PCDHGB5: variants seen among roughly 807,000 people sequenced by gnomAD.
PCDHGB5 encodes the protein protocadherin gamma-B5.
Under a neutral mutation model 62.9 loss-of-function variants are expected in PCDHGB5, and 48 were observed. The ratio of observed to expected loss-of-function variants is 0.76; its 90% CI spans 0.61 to 0.97. The LOEUF (loss-of-function observed/expected upper bound fraction) is 0.97, where lower values mean the gene tolerates loss of function less well. Among genes scored for constraint, PCDHGB5 ranks in the 50% least tolerant of loss-of-function variants. The probability of loss-of-function intolerance (pLI) is 0.00; values close to 1 mark genes in which losing one functional copy is unlikely to be tolerated. For synonymous variants in PCDHGB5, 474 were observed against 511.2 expected, an observed-to-expected ratio of 0.93 and a Z score of 0.98; for missense variants, 1,118 against 1,198.6, an observed-to-expected ratio of 0.93 and a Z score of 0.99.
chr5:141,501,030 A>G (rs2099805050), intron 2 of PCDHGB5, among the ~76,000 whole-genome samples: 1 of 151,848 alleles, frequency 6.6e-6, no homozygotes, highest in Admixed American at 6.6e-5. Flanking sequence ...CACCACGCCC[A>G]GCTAATTTTT....
At position 141,400,239 on chromosome 5, in the gene PCDHGB5, T is replaced by G. The variant is rs1306520918; in HGVS notation, c.2112T>G (p.Ile704Met). Reference sequence around the variant, plus strand: ...CAGTGCTCTTCCTCCTGGCCGTGATTCTGGCCGTTGCCTTGCGCCTGCGAC... The same window carrying G: ...CAGTGCTCTTCCTCCTGGCCGTGATGCTGGCCGTTGCCTTGCGCCTGCGAC... Reference protein sequence around the residue: ...LISVLFLLAVILAVALRLRRS... With the variant: ...LISVLFLLAVMLAVALRLRRS... Residue 704 changes from isoleucine to methionine, a missense_variant, in exon 1 of 4, where the codon ATT (isoleucine) becomes ATG (methionine). Coordinates refer to ENST00000617380, the MANE Select transcript of PCDHGB5 (RefSeq NM_018925.3). 1.9e-6 allele frequency: 3 copies of G among 1,614,054 alleles called. No individual in the cohort carries two copies. The highest frequency in any genetic ancestry group is 2.2e-5 in the East Asian group (1 of 44,880).
Position 141,485,436 on chromosome 5 carries a change from A to G in PCDHGB5, c.2398-9371A>G, listed in dbSNP as rs2099613369. On this transcript the variant is annotated intron_variant, in intron 1 of 3. Transcript: ENST00000617380. This position sits in a 1 kb window ranked among gnomAD's most constrained non-coding sequence, Gnocchi z 5.7. ...GACAGCGGAGCCCTGCTCATCAAGA[A>G]CCCAATCGACCGAGAGGCACTGTGT... 1.9e-6 allele frequency: 3 copies of G among 1,614,092 alleles called. No individual in the cohort carries two copies. The highest frequency in any genetic ancestry group is 2.7e-5 in the African/African-American group (2 of 74,934).
chr5:141,451,993 C>G (rs1235806360), intron 1 of PCDHGB5, among the ~76,000 whole-genome samples: 4 of 152,164 alleles, frequency 2.6e-5, no homozygotes, highest in African/African-American at 7.2e-5. Context: ...TCATTAGAAG[C>G]AAAATCACTT....
intron 1 of PCDHGB5, among the ~76,000 whole-genome samples, chr5:141,468,868 A>T (rs1006995156): frequency 9.2e-5 from 14 of 151,794 alleles, no homozygotes; most frequent in African/African-American, 2.4e-4. Flanking sequence ...TCCATCTCAA[A>T]AATAATAATA....
In PCDHGB5 at chr5:141,422,435, A is replaced by G. The variant is rs199795822; in HGVS notation, c.2397+21911A>G. 7.8e-4 allele frequency: 1,254 copies of G among 1,609,700 alleles called. 7 individuals are homozygous for G. The highest frequency in any genetic ancestry group is 2.1e-3 in the South Asian group (193 of 90,090). Reference sequence around the variant, plus strand: ...TTAGAAAAGACTTATGGAAATTATTACAAATTGATAACAAGCAGAGTGCTG... The same window carrying G: ...TTAGAAAAGACTTATGGAAATTATTGCAAATTGATAACAAGCAGAGTGCTG... On this transcript the variant is annotated intron_variant, in intron 1 of 3. Transcript: ENST00000617380.
rs368884524 is a variant in PCDHGB5 at position 141,409,933 on chromosome 5, G to A, written c.2397+9409G>A. On this transcript the variant is annotated intron_variant, in intron 1 of 3. Coordinates refer to ENST00000617380, the MANE Select transcript of PCDHGB5 (RefSeq NM_018925.3). ...CTGACGGCTCCGCGTTCTTCGATAT[G>A]GTACCTCGCTCTGCAGAGCCCGGCT... 50 of 1,613,236 alleles carry A rather than the reference G, an allele frequency of 3.1e-5. No homozygotes were observed. The highest frequency in any genetic ancestry group is 4.1e-5 in the Non-Finnish European group (48 of 1,179,790).
intron 1 of PCDHGB5, among the ~76,000 whole-genome samples, chr5:141,468,041 T>C (rs972340736): frequency 4.6e-5 from 7 of 152,120 alleles, no homozygotes; most frequent in Admixed American, 3.9e-4. Flanking sequence ...TTTAGAAAAC[T>C]AAGCCGGGCA....
rs758417744 is a variant in PCDHGB5, at chr5:141,430,916, G to A, written c.2397+30392G>A. On this transcript the variant is annotated intron_variant, in intron 1 of 3. Coordinates refer to ENST00000617380, the MANE Select transcript of PCDHGB5 (RefSeq NM_018925.3). ...GGTGGGCGACATCTCCAGGGACCTG[G>A]GGCTGGAGCCCCGGGAGCTCGCGGA... The A allele has an allele frequency of 1.9e-6, 3 of 1,607,878 alleles. No individual in the cohort carries two copies. The East Asian group carries it at 6.7e-5, about 36-fold the overall frequency.
chr5:141,456,299 A>G (rs11167748), intron 1 of PCDHGB5, among the ~76,000 whole-genome samples: 25,602 of 152,048 alleles, frequency 0.17, 2,205 homozygotes, highest in South Asian at 0.22. Context: ...TCTAATGGAG[A>G]ACAGCAGCTA....
intron 1 of PCDHGB5, chr5:141,422,646 C>T (rs748692494): frequency 5.0e-6 from 8 of 1,611,836 alleles, no homozygotes; most frequent in Non-Finnish European, 6.8e-6. Flanking sequence ...CCTCCATCTT[C>T]TCAGTGACCG....
rs1342473418 is a variant in PCDHGB5, at chr5:141,477,702, A to G, written c.2398-17105A>G. On this transcript the variant is annotated intron_variant, in intron 1 of 3. Transcript: ENST00000617380. The surrounding 1 kb of genome is among the most constrained non-coding windows in gnomAD (Gnocchi z 4.9). Reference sequence around the variant, plus strand: ...TCCTTAGTGCCCCTAGACTATGAGGATCGGCGGGAATTTGAATTAACAGCT... The same window carrying G: ...TCCTTAGTGCCCCTAGACTATGAGGGTCGGCGGGAATTTGAATTAACAGCT... The G allele has an allele frequency of 1.9e-6, 3 of 1,613,924 alleles. No individual in the cohort carries two copies. Among genetic ancestry groups the G allele is most frequent in the Non-Finnish European group, 2.5e-6 (3 of 1,180,044 alleles).
At chr5:141,460,034 C>T (rs1463167810) in intron 1 of PCDHGB5, among the ~76,000 whole-genome samples, 1 of 152,116 alleles carries the variant, frequency 6.6e-6, no homozygotes, top group African/African-American at 2.4e-5. Context: ...GCCGAGACTG[C>T]ACCACTGCAC....
At chr5:141,459,263 C>T (rs2098964603) in intron 1 of PCDHGB5, among the ~76,000 whole-genome samples, 1 of 152,176 alleles carries the variant, frequency 6.6e-6, no homozygotes, top group South Asian at 2.1e-4. Flanking sequence ...ATTAGTGTTG[C>T]CTCTTTCAGA....
intron 1 of PCDHGB5, chr5:141,421,143 A>T (rs2096549098): frequency 3.1e-6 from 3 of 964,414 alleles, no homozygotes; most frequent in Non-Finnish European, 4.5e-6. Flanking sequence ...TTTTGGATGT[A>T]GTCGGCCTAG....
intron 1 of PCDHGB5, chr5:141,421,344 G>A: frequency 6.2e-7 from 1 of 1,613,976 alleles, no homozygotes; most frequent in Non-Finnish European, 8.5e-7. Context: ...TGCCAGAAGA[G>A]ACCGAAAAGG....
intron 1 of PCDHGB5, chr5:141,419,490 C>G (rs2096390495): frequency 8.1e-6 from 13 of 1,612,414 alleles, no homozygotes; most frequent in Non-Finnish European, 1.1e-5. Context: ...GCGCTCAGCG[C>G]CAATGTGAGC....
Position 141,400,388 on chromosome 5 carries a change from A to C in PCDHGB5, c.2261A>C (p.His754Pro). 3 of 1,614,066 alleles carry C rather than the reference A, an allele frequency of 1.9e-6. No homozygotes were observed. The highest frequency in any genetic ancestry group is 2.5e-6 in the Non-Finnish European group (3 of 1,179,912). ...TATTCCTACAACCTATGTGTTGCAC[A>C]TACAGGAAAGACGGAGTTTAATTTC... is the stretch of plus-strand genomic sequence containing the variant. ...LPYSYNLCVA[H>P]TGKTEFNFLK... The change falls in exon 1 of 4, where the codon CAT becomes CCT. Residue 754 changes from histidine (H) to proline (P), a missense_variant. Physicochemically the swap from His to Pro is moderately conservative, Grantham distance 77. This residue lies in a region of PCDHGB5 where 1,034 missense variants were observed against 1,029.1 expected (regional missense o/e 1.00). Coordinates refer to ENST00000617380, the MANE Select transcript of PCDHGB5 (RefSeq NM_018925.3).
Position 141,490,602 on chromosome 5 carries a change from C to G in PCDHGB5, c.2398-4205C>G, listed in dbSNP as rs1249440194. On this transcript the variant is annotated intron_variant, in intron 1 of 3. Transcript: ENST00000617380. This position sits in a 1 kb window ranked among gnomAD's most constrained non-coding sequence, Gnocchi z 5.4. Reference sequence around the variant, plus strand: ...ATGTCAATGACAATGCACCCCGCTTCAACCAGCAGCTTTACACTGCTTACA... The same window carrying G: ...ATGTCAATGACAATGCACCCCGCTTGAACCAGCAGCTTTACACTGCTTACA... The G allele has an allele frequency of 6.2e-7, 1 of 1,614,084 alleles. No individual in the cohort carries two copies. Among genetic ancestry groups the G allele is most frequent in the African/African-American group, 1.3e-5 (1 of 74,930 alleles).
At chr5:141,501,809 A>G (rs2099811165) in intron 2 of PCDHGB5, among the ~76,000 whole-genome samples, 1 of 152,176 alleles carries the variant, frequency 6.6e-6, no homozygotes, top group African/African-American at 2.4e-5. Flanking sequence ...ACCCAGCTTC[A>G]CATAATTGGC....
Sources: gnomAD v4.1 joint callset for allele counts (sites outside exome capture counted in the v4.1 genomes callset) on GRCh38, gnomAD v4.1.1 for gene constraint, gnomAD v4.1.1 regional missense constraint, Gnocchi (gnomAD v3.1) non-coding constraint, MANE v1.5 for transcripts, NCBI Gene and HGNC (gene_info 2026-07-23, HGNC 2026-07-21) for gene names.